Variants in FAM168A observed in about 807,000 individuals in gnomAD.
FAM168A encodes protein FAM168A.
A neutral mutation model predicts 28.5 loss-of-function variants in FAM168A; 3 were observed. The ratio of observed to expected loss-of-function variants is 0.11; its 90% CI spans 0.05 to 0.27. The LOEUF (loss-of-function observed/expected upper bound fraction) is 0.27, where lower values mean the gene tolerates loss of function less well. FAM168A is among the 10% of genes least tolerant of loss of function. The pLI, the probability that FAM168A is intolerant of heterozygous loss-of-function variation, is 1.00. For synonymous variants in FAM168A, 122 were observed against 124.2 expected (o/e 0.98, Z 0.12); for missense variants, 222 against 311.5 (o/e 0.71, Z 2.16).
At chr11:73,468,322 A>G in intron 2 of FAM168A, 83 bp downstream of exon 2, 1 of 1,293,838 alleles carries the variant, frequency 7.7e-7, no homozygotes, top group Non-Finnish European at 1.1e-6. Context: ...TTTTGGAGGT[A>G]TACGTTAGGA....
chr11:73,545,016 ATAGTATATATAATAT>A (rs1943725005), intron 1 of FAM168A, among the ~76,000 whole-genome samples: 1 of 87,962 alleles, frequency 1.1e-5, no homozygotes, highest in Non-Finnish European at 1.9e-5. Context: ...TACTATATAT[ATAGTATATATAATAT>A]ATATATATTT....
chr11:73,478,952 A>G (rs1423152192), intron 1 of FAM168A, among the ~76,000 whole-genome samples: 1 of 152,190 alleles, frequency 6.6e-6, no homozygotes, highest in Non-Finnish European at 1.5e-5. Flanking sequence ...ATGCTCAGTT[A>G]AAGGATTCTA....
At position 73,404,714 on chromosome 11, in the gene FAM168A, C is replaced by T. The variant is rs970100893; in HGVS notation, c.*2049G>A. The T allele has an allele frequency of 1.3e-5, 2 of 152,222 alleles. No homozygotes were observed. The highest frequency in any genetic ancestry group is 6.5e-5 in the Admixed American group (1 of 15,290). 9.4% of individuals were successfully genotyped at this position (152,222 alleles called of 1,614,324 possible). A position where few individuals can be genotyped will look rare whatever the true frequency, so the allele number is the denominator to read the frequency against. ...AACTCCTGGCTCTAGGCCAAGGAGG[C>T]TGATGGGCTTTACCCTCCTGGGAAT... On this transcript the variant is annotated 3_prime_UTR_variant, in exon 8 of 8. Transcript: ENST00000356467.
intron 1 of FAM168A, among the ~76,000 whole-genome samples, chr11:73,515,433 G>T (rs906968717): frequency 6.6e-6 from 1 of 150,470 alleles, no homozygotes; most frequent in Non-Finnish European, 1.5e-5. Flanking sequence ...ACCTGAACCC[G>T]AGAGGCAGAG....
At chr11:73,544,175 T>C (rs963293067) in intron 1 of FAM168A, among the ~76,000 whole-genome samples, 1 of 152,100 alleles carries the variant, frequency 6.6e-6, no homozygotes, top group African/African-American at 2.4e-5. Flanking sequence ...AATGAGCTAA[T>C]GAAAGATGTT....
Position 73,463,725 on chromosome 11 carries a change from T to C in FAM168A, c.70+4680A>G, listed in dbSNP as rs117433088. 5.9e-3 allele frequency among the ~76,000 whole-genome samples: 892 copies of C among 152,094 alleles called. 8 individuals are homozygous for C. Among genetic ancestry groups the C allele is most frequent in the Middle Eastern group, 0.027 (8 of 294 alleles). On this transcript the variant is annotated intron_variant, in intron 2 of 7. Coordinates refer to ENST00000356467, the MANE Select transcript of FAM168A (RefSeq NM_015159.3). ...AGAAGAAAGGGAAAACAAACAAAAA[T>C]AAACAATTATGGTCAATGAAAATTA...
At chr11:73,580,832 T>C (rs548801358) in intron 1 of FAM168A, among the ~76,000 whole-genome samples, 2 of 152,342 alleles carry the variant, frequency 1.3e-5, no homozygotes, top group African/African-American at 4.8e-5. Flanking sequence ...CTTTGTGGTA[T>C]GGAAAAACAA....
chr11:73,515,618 A>T (rs1010514091), intron 1 of FAM168A, among the ~76,000 whole-genome samples: 3 of 152,010 alleles, frequency 2.0e-5, no homozygotes, highest in African/African-American at 7.2e-5. Flanking sequence ...AAAAATTTCT[A>T]GGGGAGATAT....
At chr11:73,542,157 C>A (rs1411751310) in intron 1 of FAM168A, among the ~76,000 whole-genome samples, 1 of 152,206 alleles carries the variant, frequency 6.6e-6, no homozygotes, top group African/African-American at 2.4e-5. Flanking sequence ...CACATCTACT[C>A]CATGGCTTTA....
At chr11:73,518,050 T>C (rs887212182) in intron 1 of FAM168A, among the ~76,000 whole-genome samples, 1 of 152,258 alleles carries the variant, frequency 6.6e-6, no homozygotes, top group Non-Finnish European at 1.5e-5. Context: ...GTTGAAAGCC[T>C]GAAAGAATGA....
At chr11:73,413,421 G>C (rs960202228) in intron 4 of FAM168A, among the ~76,000 whole-genome samples, 1 of 152,234 alleles carries the variant, frequency 6.6e-6, no homozygotes, top group Admixed American at 6.5e-5. Flanking sequence ...GAGAAGTCTA[G>C]AGCAGATTTC....
chr11:73,481,832 G>C (rs781403224), intron 1 of FAM168A, among the ~76,000 whole-genome samples: 2 of 152,198 alleles, frequency 1.3e-5, no homozygotes, highest in Non-Finnish European at 2.9e-5. Flanking sequence ...ATGCAACAGT[G>C]TTGGGAGATA....
intron 1 of FAM168A, among the ~76,000 whole-genome samples, chr11:73,590,766 G>A (rs1245439373): frequency 6.6e-6 from 1 of 152,100 alleles, no homozygotes; most frequent in Non-Finnish European, 1.5e-5. Context: ...GTCGAGAGTA[G>A]AACTGACACA....
chr11:73,561,462 C>CAT (rs148416945), intron 1 of FAM168A, among the ~76,000 whole-genome samples: 4,608 of 149,756 alleles, frequency 0.031, 181 homozygotes, highest in African/African-American at 0.092. Context: ...ACTGGGGAGA[C>CAT]ATATATATAT....
At chr11:73,504,085 T>C (rs914432192) in intron 1 of FAM168A, among the ~76,000 whole-genome samples, 1 of 152,138 alleles carries the variant, frequency 6.6e-6, no homozygotes, top group Non-Finnish European at 1.5e-5. Context: ...ATTCAGGACA[T>C]AGGCATGGGC....
chr11:73,595,750 C>A (rs900790122), intron 1 of FAM168A, among the ~76,000 whole-genome samples: 2 of 152,204 alleles, frequency 1.3e-5, no homozygotes, highest in Admixed American at 6.5e-5. Flanking sequence ...ACATCAACAT[C>A]ATTCCCCAAA....
At position 73,400,849 on chromosome 11, in the gene FAM168A, G is replaced by A. The variant is rs963902259; in HGVS notation, c.*5914C>T. 10 of 151,834 alleles carry A rather than the reference G, an allele frequency of 6.6e-5. No homozygotes were observed. Among genetic ancestry groups the A allele is most frequent in the African/African-American group, 1.9e-4 (8 of 41,304 alleles). The allele number at this position is 151,834 out of a possible 1,614,324, so 9.4% of individuals were successfully genotyped here. On this transcript the variant is annotated 3_prime_UTR_variant, in exon 8 of 8. Coordinates refer to ENST00000356467, the MANE Select transcript of FAM168A (RefSeq NM_015159.3). ...GTTATTGAGTGTTCTACAGCTTACA[G>A]TAAATACCATAGTTACAAATTCTTG...
At chr11:73,428,354 T>C (rs1866926361) in intron 3 of FAM168A, among the ~76,000 whole-genome samples, 1 of 152,232 alleles carries the variant, frequency 6.6e-6, no homozygotes. Context: ...TTGTTTTTCC[T>C]TTCCTGGTAG....
At position 73,402,176 on chromosome 11, in the gene FAM168A, G is replaced by A. The variant is rs1866424754; in HGVS notation, c.*4587C>T. ...TAGTGATGTGGGAGAATACAGGATG[G>A]AAAAGCAGACTTCCACGTATTTTCA... On this transcript the variant is annotated 3_prime_UTR_variant, in exon 8 of 8. Transcript: ENST00000356467. 1 of 152,252 alleles carries A rather than the reference G, an allele frequency of 6.6e-6. No individual in the cohort carries two copies. Among genetic ancestry groups the A allele is most frequent in the Non-Finnish European group, 1.5e-5 (1 of 68,054 alleles). 9.4% of individuals were successfully genotyped at this position (152,252 alleles called of 1,614,324 possible).
Sources: allele counts gnomAD v4.1 joint callset (sites outside exome capture counted in the v4.1 genomes callset), GRCh38; gene constraint gnomAD v4.1.1; transcripts MANE v1.5; gene names NCBI Gene and HGNC (gene_info 2026-07-23, HGNC 2026-07-21).